Variants in NKAIN2 observed in about 807,000 individuals in gnomAD.
NKAIN2 encodes the protein sodium/potassium transporting ATPase interacting 2.
Under a neutral mutation model 32.6 loss-of-function variants are expected in NKAIN2, and 14 were observed. That is an observed-to-expected ratio of 0.43 (90% CI 0.28 to 0.67). NKAIN2 has a LOEUF of 0.67. NKAIN2 is among the 30% of genes least tolerant of loss of function. The pLI, the probability that NKAIN2 is intolerant of heterozygous loss-of-function variation, is 0.17. For synonymous variants in NKAIN2, 80 were observed against 87.2 expected (o/e 0.92, Z 0.46); for missense variants, 198 against 258.3 (o/e 0.77, Z 1.60).
At chr6:124,693,224 A>G (rs1774343931) in intron 4 of NKAIN2, among the ~76,000 whole-genome samples, 1 of 152,114 alleles carries the variant, frequency 6.6e-6, no homozygotes, top group African/African-American at 2.4e-5. Context: ...TTTTTTCTGT[A>G]TGTTTTCTAG....
At chr6:124,682,245 G>GCTA (rs1378979684) in intron 4 of NKAIN2, among the ~76,000 whole-genome samples, 1 of 152,032 alleles carries the variant, frequency 6.6e-6, no homozygotes, top group East Asian at 1.9e-4. Context: ...CAGCCAGAGA[G>GCTA]CTATGATCAG....
chr6:124,396,086 G>A (rs1057476241), intron 3 of NKAIN2, among the ~76,000 whole-genome samples: 1 of 151,838 alleles, frequency 6.6e-6, no homozygotes, highest in Non-Finnish European at 1.5e-5. Context: ...ATATCTCCAG[G>A]TGCCCTCAGT....
chr6:124,680,106 T>C (rs1773545640), intron 4 of NKAIN2, among the ~76,000 whole-genome samples: 1 of 152,198 alleles, frequency 6.6e-6, no homozygotes, highest in Non-Finnish European at 1.5e-5. Context: ...GTTTCTACTA[T>C]ACTGAAAATT....
intron 3 of NKAIN2, among the ~76,000 whole-genome samples, chr6:124,530,720 G>A (rs1305181141): frequency 6.6e-6 from 1 of 152,186 alleles, no homozygotes; most frequent in Non-Finnish European, 1.5e-5. Flanking sequence ...TGAAAATGGT[G>A]GGAGCTGCCG....
intron 1 of NKAIN2, among the ~76,000 whole-genome samples, chr6:124,173,215 C>G (rs1446238724): frequency 6.6e-6 from 1 of 152,040 alleles, no homozygotes; most frequent in Admixed American, 6.5e-5. Flanking sequence ...CTCTCTTGCT[C>G]TTATAAAAGC....
chr6:124,655,939 A>G (rs1195979689), intron 3 of NKAIN2, among the ~76,000 whole-genome samples: 1 of 151,940 alleles, frequency 6.6e-6, no homozygotes, highest in Non-Finnish European at 1.5e-5. Context: ...TATGGATATT[A>G]GATATCACCA....
At chr6:123,959,366 T>C (rs528463066) in intron 1 of NKAIN2, among the ~76,000 whole-genome samples, 4 of 152,236 alleles carry the variant, frequency 2.6e-5, no homozygotes, top group East Asian at 3.9e-4. Context: ...GCTTCCTGCA[T>C]TGTGGCGGCC....
intron 1 of NKAIN2, among the ~76,000 whole-genome samples, chr6:123,898,911 T>C (rs1381308942): frequency 1.3e-5 from 2 of 152,200 alleles, no homozygotes; most frequent in Non-Finnish European, 2.9e-5. Context: ...CTCTGTCTTC[T>C]CTCAACTGCC....
At chr6:124,109,420 T>C (rs1785265924) in intron 1 of NKAIN2, among the ~76,000 whole-genome samples, 1 of 152,090 alleles carries the variant, frequency 6.6e-6, no homozygotes, top group Non-Finnish European at 1.5e-5. Flanking sequence ...TAAATGAATT[T>C]ATTTGTTCTA....
chr6:124,155,404 T>C (rs936894638), intron 1 of NKAIN2, among the ~76,000 whole-genome samples: 1 of 152,054 alleles, frequency 6.6e-6, no homozygotes, highest in African/African-American at 2.4e-5. Context: ...TATCAAAACA[T>C]TACTGTGTAC....
intron 4 of NKAIN2, among the ~76,000 whole-genome samples, chr6:124,778,381 G>A (rs113646319): frequency 3.0e-4 from 45 of 151,540 alleles, no homozygotes; most frequent in African/African-American, 9.9e-4. Flanking sequence ...CTGCATAGGG[G>A]ACAATTCTCA....
chr6:124,551,944 A>T (rs1780302399), intron 3 of NKAIN2, among the ~76,000 whole-genome samples: 2 of 152,160 alleles, frequency 1.3e-5, no homozygotes, highest in Admixed American at 1.3e-4. Flanking sequence ...TGAGAGTGTT[A>T]GTAATTACTC....
intron 3 of NKAIN2, among the ~76,000 whole-genome samples, chr6:124,458,894 G>C (rs1170116822): frequency 6.6e-6 from 1 of 151,776 alleles, no homozygotes; most frequent in Non-Finnish European, 1.5e-5. Context: ...ATGGGAGAAA[G>C]AATCTGCTTC....
chr6:124,440,034 G>T (rs1775625565), intron 3 of NKAIN2, among the ~76,000 whole-genome samples: 1 of 152,036 alleles, frequency 6.6e-6, no homozygotes, highest in Non-Finnish European at 1.5e-5. Context: ...GACTCAGGCT[G>T]GGATGGCCCT....
Position 124,353,174 on chromosome 6 carries a change from T to C in NKAIN2, c.193-2093T>C, listed in dbSNP as rs568106056. On this transcript the variant is annotated intron_variant, in intron 2 of 6. Coordinates refer to ENST00000368417, the MANE Select transcript of NKAIN2 (RefSeq NM_001040214.3). ...ACTTACAAAACATTGTCTTAATAAC[T>C]ATTTTGTGCAAAGTACTAAGTTAGG... is the stretch of plus-strand genomic sequence containing the variant. Among the ~76,000 whole-genome samples the C allele has an allele frequency of 4.6e-5, 7 of 152,260 alleles. 1 individual carries two copies. In the South Asian group the frequency reaches 1.0e-3, roughly 23 times the overall value.
intron 1 of NKAIN2, among the ~76,000 whole-genome samples, chr6:124,090,301 A>G (rs574689504): frequency 6.6e-6 from 1 of 152,176 alleles, no homozygotes; most frequent in African/African-American, 2.4e-5. Flanking sequence ...CAGAAAAAGA[A>G]GTCAGATTAT....
chr6:124,187,257 G>C (rs1381779001), intron 1 of NKAIN2, among the ~76,000 whole-genome samples: 1 of 152,042 alleles, frequency 6.6e-6, no homozygotes, highest in East Asian at 1.9e-4. Context: ...ACCTACCTTG[G>C]CATTTTATTT....
intron 1 of NKAIN2, among the ~76,000 whole-genome samples, chr6:124,258,292 T>C (rs2114833261): frequency 6.6e-6 from 1 of 152,262 alleles, no homozygotes; most frequent in Admixed American, 6.5e-5. Context: ...ATTTGCATTA[T>C]TTAGTTGTTT....
chr6:124,626,511 C>T (rs1783352133), intron 3 of NKAIN2, among the ~76,000 whole-genome samples: 1 of 152,004 alleles, frequency 6.6e-6, no homozygotes, highest in Non-Finnish European at 1.5e-5. Context: ...GTAAATCCAT[C>T]TATTTAGTAC....
Sources: gnomAD v4.1 joint callset for allele counts (sites outside exome capture counted in the v4.1 genomes callset) on GRCh38, gnomAD v4.1.1 for gene constraint, MANE v1.5 for transcripts, NCBI Gene and HGNC (gene_info 2026-07-23, HGNC 2026-07-21) for gene names.